Variants in CSMD3 observed in about 807,000 individuals in gnomAD.
CSMD3 encodes CUB and Sushi multiple domains 3, also known as CUB and sushi domain-containing protein 3.
CSMD3 carries 177 observed loss-of-function variants against 435.2 expected under a neutral mutation model. The observed-to-expected ratio is 0.41, with a 90% CI of 0.36 to 0.46. CSMD3 has a LOEUF of 0.46. Among genes scored for constraint, CSMD3 ranks in the 20% least tolerant of loss-of-function variants. The pLI, the probability that CSMD3 is intolerant of heterozygous loss-of-function variation, is 0.34. For missense variants in CSMD3, 4,265 were observed against 4,504.6 expected (o/e 0.95, Z 1.52); for synonymous variants, 1,656 against 1,520.5 (o/e 1.09, Z -2.07).
chr8:112,847,522 C>A (rs1342175969), intron 11 of CSMD3, among the ~76,000 whole-genome samples: 1 of 152,114 alleles, frequency 6.6e-6, no homozygotes, highest in South Asian at 2.1e-4. Context: ...GCCTCTCCCA[C>A]TCCCTTAATA....
At chr8:112,736,813 C>T (rs549140234) in intron 13 of CSMD3, among the ~76,000 whole-genome samples, 34 of 151,908 alleles carry the variant, frequency 2.2e-4, no homozygotes, top group South Asian at 2.1e-3. Context: ...ATCACTCAAT[C>T]GATTAATATA....
intron 32 of CSMD3, among the ~76,000 whole-genome samples, chr8:112,459,942 T>A (rs1293168262): frequency 6.6e-6 from 1 of 152,140 alleles, no homozygotes; most frequent in Non-Finnish European, 1.5e-5. Context: ...CAATTACACA[T>A]TCATTAAGAC....
intron 13 of CSMD3, among the ~76,000 whole-genome samples, chr8:112,708,648 T>C (rs1403475479): frequency 3.3e-5 from 3 of 89,948 alleles, no homozygotes; most frequent in Non-Finnish European, 8.1e-5. Context: ...GTAATGCTTC[T>C]TTTTTTTTTT....
intron 3 of CSMD3, among the ~76,000 whole-genome samples, chr8:113,252,692 T>G (rs1020573621): frequency 6.6e-6 from 1 of 152,102 alleles, no homozygotes. Flanking sequence ...TGAAAGAAAA[T>G]TATTACATTT....
Position 112,949,091 on chromosome 8 carries a change from C to A in CSMD3, c.1421-1214G>T, listed in dbSNP as rs559992654. Among the ~76,000 whole-genome samples, 14 of 152,008 alleles carry A rather than the reference C, an allele frequency of 9.2e-5. No homozygotes were observed. The South Asian group carries it at 2.9e-3, about 32-fold the overall frequency. ...AGCCATTTTAAAAATAATAATGACT[C>A]TCAAGGTAATTCTAATATAAAGTCA... is the stretch of plus-strand genomic sequence containing the variant. On this transcript the variant is annotated intron_variant, in intron 8 of 70. Transcript: ENST00000297405.
At chr8:112,312,368 C>T (rs1586738038) in intron 49 of CSMD3, among the ~76,000 whole-genome samples, 1 of 152,172 alleles carries the variant, frequency 6.6e-6, no homozygotes, top group Admixed American at 6.5e-5. Flanking sequence ...GATTCTCCTG[C>T]CCCAGCCTCC....
intron 52 of CSMD3, among the ~76,000 whole-genome samples, chr8:112,302,739 GA>G (rs1563761756): frequency 6.6e-6 from 1 of 151,808 alleles, no homozygotes; most frequent in Non-Finnish European, 1.5e-5. Flanking sequence ...GTCAGGTAGA[GA>G]AATAGAAAAC....
At chr8:113,342,486 T>A (rs1050649608) in intron 1 of CSMD3, among the ~76,000 whole-genome samples, 2 of 152,150 alleles carry the variant, frequency 1.3e-5, no homozygotes, top group Non-Finnish European at 2.9e-5. Context: ...ATGACTAAAT[T>A]GATTAAATTG....
rs1038971284 is a variant in CSMD3 at position 112,650,212 on chromosome 8, G to T, written c.3142C>A (p.Leu1048Ile). Reference protein sequence around the residue: ...SGYRLSHEEPLLCEKNHWWSH... With the variant: ...SGYRLSHEEPILCEKNHWWSH... The stretch of plus-strand genomic sequence containing the variant: ...CACCAGTGGTTTTTTTCGCATAGAA[G>T]GGGCTCTTCATGACTCAACCTGTAT... The change falls in exon 19 of 71, where the codon CTT (leucine) becomes ATT (isoleucine). Residue 1048 changes from leucine to isoleucine, a missense_variant. Coordinates refer to ENST00000297405, the MANE Select transcript of CSMD3 (RefSeq NM_198123.2). The T allele has an allele frequency of 6.2e-7, 1 of 1,613,794 alleles. No homozygotes were observed. Among genetic ancestry groups the T allele is most frequent in the Non-Finnish European group, 8.5e-7 (1 of 1,179,886 alleles).
At chr8:112,236,018 CATTT>C (rs1270167718) in intron 67 of CSMD3, among the ~76,000 whole-genome samples, 1 of 151,742 alleles carries the variant, frequency 6.6e-6, no homozygotes, top group African/African-American at 2.4e-5. Context: ...TTGTCTCATT[CATTT>C]AAAGTTTCTT....
At chr8:112,698,846 C>G (rs938825490) in intron 13 of CSMD3, among the ~76,000 whole-genome samples, 22 of 152,182 alleles carry the variant, frequency 1.4e-4, no homozygotes, top group African/African-American at 4.3e-4. Context: ...TTCTATCTAG[C>G]TAAAGGATTG....
chr8:112,772,569 G>T (rs1348867565), intron 13 of CSMD3, among the ~76,000 whole-genome samples: 3 of 152,012 alleles, frequency 2.0e-5, no homozygotes, highest in African/African-American at 4.8e-5. Context: ...GGAAAGACCT[G>T]AAGTTCCCCC....
chr8:112,227,140 T>G (rs2160679), intron 70 of CSMD3, among the ~76,000 whole-genome samples: 3 of 152,196 alleles, frequency 2.0e-5, no homozygotes, highest in Admixed American at 6.5e-5. Flanking sequence ...ACAGTAGCAC[T>G]ATTCACAGTA....
intron 12 of CSMD3, among the ~76,000 whole-genome samples, chr8:112,828,308 G>A (rs1448753683): frequency 2.0e-5 from 3 of 152,168 alleles, no homozygotes; most frequent in African/African-American, 7.2e-5. Context: ...GTTTGGATTT[G>A]TGTCCCCACC....
intron 20 of CSMD3, among the ~76,000 whole-genome samples, chr8:112,639,334 T>C (rs950505541): frequency 6.6e-6 from 1 of 152,154 alleles, no homozygotes; most frequent in African/African-American, 2.4e-5. Flanking sequence ...CTTCCAAATA[T>C]GCTTGTTTAT....
intron 5 of CSMD3, among the ~76,000 whole-genome samples, chr8:113,089,145 G>GT (rs2089914351): frequency 6.6e-6 from 1 of 152,022 alleles, no homozygotes; most frequent in African/African-American, 2.4e-5. Context: ...ATTCCCTGAT[G>GT]TACTACTTTT....
intron 23 of CSMD3, among the ~76,000 whole-genome samples, chr8:112,586,659 A>C (rs17650013): frequency 0.57 from 86,267 of 150,336 alleles, 25,249 homozygotes; most frequent in African/African-American, 0.68. Flanking sequence ...TACATTATAG[A>C]CAATAGAATA....
chr8:113,024,580 A>G (rs1441683124), intron 5 of CSMD3, among the ~76,000 whole-genome samples: 4 of 152,118 alleles, frequency 2.6e-5, no homozygotes, highest in African/African-American at 7.2e-5. Context: ...TCAACACTGT[A>G]GAAGGGTACC....
chr8:112,287,344 G>T, intron 57 of CSMD3, 98 bp from the exon 58 acceptor site: 2 of 1,118,748 alleles, frequency 1.8e-6, no homozygotes, highest in Non-Finnish European at 2.7e-6. Context: ...TTTTGTGCAT[G>T]CGGTGTTTTA....
Sources: gnomAD v4.1 joint callset for allele counts (sites outside exome capture counted in the v4.1 genomes callset) on GRCh38, gnomAD v4.1.1 for gene constraint, MANE v1.5 for transcripts, NCBI Gene and HGNC (gene_info 2026-07-23, HGNC 2026-07-21) for gene names.